The following PTBP3 variants were observed in gnomAD, a reference collection of about 807,000 sequenced individuals.
PTBP3 encodes the protein polypyrimidine tract-binding protein 3.
A neutral mutation model predicts 58.7 loss-of-function variants in PTBP3; 20 were observed. That is an observed-to-expected ratio of 0.34 (90% CI 0.24 to 0.50). The LOEUF (loss-of-function observed/expected upper bound fraction) is 0.50. PTBP3 is among the 20% of genes least tolerant of loss of function. The probability of loss-of-function intolerance (pLI) is 0.98; values close to 1 mark genes in which losing one functional copy is unlikely to be tolerated. For missense variants in PTBP3, 509 were observed against 637.2 expected, an observed-to-expected ratio of 0.80 and a Z score of 2.17; for synonymous variants, 185 against 219.8, an observed-to-expected ratio of 0.84 and a Z score of 1.40.
chr9:112,228,988 G>A (rs561946247), intron 10 of PTBP3, among the ~76,000 whole-genome samples: 4 of 152,060 alleles, frequency 2.6e-5, no homozygotes, highest in Admixed American at 6.6e-5. Flanking sequence ...TATTACCCTC[G>A]ATTTTTCTAC....
chr9:112,345,399 A>G, the PTBP3 span, among the ~76,000 whole-genome samples: 1 of 141,326 alleles, frequency 7.1e-6, no homozygotes, highest in Non-Finnish European at 1.5e-5. Context: ...TTTTGAGATC[A>G]GAGTCTTACT....
chr9:112,345,774 T>C, the PTBP3 span, among the ~76,000 whole-genome samples: 8 of 152,316 alleles, frequency 5.3e-5, no homozygotes, highest in Middle Eastern at 0.01. Flanking sequence ...GGACTAGCTC[T>C]ATCTAATATT....
In PTBP3 at chr9:112,219,405, A is replaced by C. The variant is rs980023244; in HGVS notation, c.*4446T>G. ...AAGAAGTGAAAATAATACAACAACA[A>C]ATCAGTTGACAATGCTGATTTAAGC... On this transcript the variant is annotated 3_prime_UTR_variant, in exon 14 of 14. Transcript: ENST00000374257. 7 of 152,304 alleles carry C rather than the reference A, an allele frequency of 4.6e-5. No individual in the cohort carries two copies. Among genetic ancestry groups the C allele is most frequent in the African/African-American group, 1.7e-4 (7 of 41,448 alleles). The allele number at this position is 152,304 out of a possible 1,614,324, so 9.4% of individuals were successfully genotyped here.
At chr9:112,363,456 C>T in the PTBP3 span, among the ~76,000 whole-genome samples, 5 of 148,136 alleles carry the variant, frequency 3.4e-5, no homozygotes, top group African/African-American at 1.2e-4. Flanking sequence ...GAGGTTGAGG[C>T]TGCAGTGAGC....
At chr9:112,264,499 C>T (rs962202312) in intron 4 of PTBP3, among the ~76,000 whole-genome samples, 1 of 152,090 alleles carries the variant, frequency 6.6e-6, no homozygotes, top group African/African-American at 2.4e-5. Flanking sequence ...CAATCATAAA[C>T]TGGAAAAGTA....
In PTBP3 at chr9:112,246,549, C is replaced by T. The variant is rs1285971800; in HGVS notation, c.802+4380G>A. On this transcript the variant is annotated intron_variant, in intron 7 of 13. Coordinates refer to ENST00000374257, the MANE Select transcript of PTBP3 (RefSeq NM_001163788.4). Reference sequence around the variant, plus strand: ...CCTACTAAAAATACAAAAAATTAGCCGGGCATAGTGGCGGGCACCTGTAGT... The same window carrying T: ...CCTACTAAAAATACAAAAAATTAGCTGGGCATAGTGGCGGGCACCTGTAGT... Among the ~76,000 whole-genome samples, 14 of 151,626 alleles carry T rather than the reference C, an allele frequency of 9.2e-5. No individual in the cohort carries two copies. The East Asian group carries it at 2.5e-3, about 28-fold the overall frequency.
intron 7 of PTBP3, among the ~76,000 whole-genome samples, chr9:112,238,239 G>A (rs1260919894): frequency 6.6e-6 from 1 of 152,122 alleles, no homozygotes; most frequent in Admixed American, 6.6e-5. Flanking sequence ...AAAATCTGTA[G>A]TACAGGAGAC....
At chr9:112,251,146 C>A in intron 6 of PTBP3, 43 bp from the exon 7 acceptor site, 1 of 1,397,600 alleles carries the variant, frequency 7.2e-7, no homozygotes, top group South Asian at 1.8e-5. Flanking sequence ...AAGACAACAA[C>A]ACTGATAACC....
rs138686469 is a variant in PTBP3 at position 112,227,419 on chromosome 9, G to A, written c.1356C>T (p.Ser452=). Residue 452 remains serine, a synonymous_variant, in exon 12 of 14, where the codon TCC becomes TCT. Coordinates refer to ENST00000374257, the MANE Select transcript of PTBP3 (RefSeq NM_001163788.4). ...IFPPSATLHL[S]NIPPSVTVDD... Reference sequence around the variant, plus strand: ...ACTTATTAGGTACATACGGAATGTTGGAAAGATGCAGAGTGGCTGATGGTG... The same window carrying A: ...ACTTATTAGGTACATACGGAATGTTAGAAAGATGCAGAGTGGCTGATGGTG... The A allele has an allele frequency of 1.8e-4, 286 of 1,613,236 alleles. No homozygotes were observed. The African/African-American group carries it at 3.3e-3, about 19-fold the overall frequency.
chr9:112,328,955 T>G (rs1830262789), intron 1 of PTBP3, among the ~76,000 whole-genome samples: 1 of 152,232 alleles, frequency 6.6e-6, no homozygotes, highest in South Asian at 2.1e-4. Flanking sequence ...TAAACAAAGA[T>G]GAATTATTTC....
rs144461249 is a variant in PTBP3, at chr9:112,231,643, C to T, written c.1021-230G>A. On this transcript the variant is annotated intron_variant, in intron 9 of 13. Transcript: ENST00000374257. ...CCATGGCTAGGCATGGTGGCTCACA[C>T]CTGTAATCCCAGCACTTTGGGAGGC... Among the ~76,000 whole-genome samples the T allele has an allele frequency of 1.5e-3, 235 of 152,128 alleles. 1 individual carries two copies. The highest frequency in any genetic ancestry group is 5.5e-3 in the African/African-American group (229 of 41,480).
intron 2 of PTBP3, among the ~76,000 whole-genome samples, chr9:112,283,437 G>A (rs567592227): frequency 1.5e-4 from 23 of 152,330 alleles, no homozygotes; most frequent in African/African-American, 5.1e-4. Flanking sequence ...GGACACTCTT[G>A]CAATGCTTTA....
At chr9:112,355,856 A>G in the PTBP3 span, among the ~76,000 whole-genome samples, 33 of 152,260 alleles carry the variant, frequency 2.2e-4, no homozygotes, top group East Asian at 6.2e-3. Context: ...GACTCAAGCC[A>G]TCTATCCGGC....
At chr9:112,313,867 C>T (rs1425414325) in intron 1 of PTBP3, among the ~76,000 whole-genome samples, 1 of 152,162 alleles carries the variant, frequency 6.6e-6, no homozygotes, top group Non-Finnish European at 1.5e-5. Flanking sequence ...GAAAAAAATA[C>T]AGTCAGCTCT....
intron 2 of PTBP3, among the ~76,000 whole-genome samples, chr9:112,276,220 G>C (rs1827604372): frequency 6.6e-6 from 1 of 152,052 alleles, no homozygotes. Flanking sequence ...TTTTCACTGT[G>C]GGTATTAAAT....
intron 7 of PTBP3, among the ~76,000 whole-genome samples, chr9:112,242,139 T>C (rs1287906473): frequency 6.6e-6 from 1 of 152,156 alleles, no homozygotes; most frequent in Non-Finnish European, 1.5e-5. Flanking sequence ...TATTTATATA[T>C]TTTTTAGAGA....
chr9:112,322,391 C>G (rs967419354), intron 1 of PTBP3, among the ~76,000 whole-genome samples: 28 of 152,126 alleles, frequency 1.8e-4, no homozygotes, highest in African/African-American at 6.5e-4. Flanking sequence ...ATATCAGAGG[C>G]ACAGACACAG....
intron 1 of PTBP3, among the ~76,000 whole-genome samples, chr9:112,312,500 TAAA>T (rs67629809): frequency 0.02 from 2,452 of 123,002 alleles, 123 homozygotes; most frequent in African/African-American, 0.067. Flanking sequence ...TTTTTTTTTT[TAAA>T]AAAAAAAAAA....
intron 7 of PTBP3, among the ~76,000 whole-genome samples, chr9:112,243,185 C>G (rs913125883): frequency 6.7e-6 from 1 of 149,868 alleles, no homozygotes; most frequent in Non-Finnish European, 1.5e-5. Context: ...CTTTCTTTTC[C>G]CATTTCTATA....
Sources: allele counts gnomAD v4.1 joint callset (sites outside exome capture counted in the v4.1 genomes callset), GRCh38; gene constraint gnomAD v4.1.1; transcripts MANE v1.5; gene names NCBI Gene and HGNC (gene_info 2026-07-23, HGNC 2026-07-21).